ADGRG1: variants seen among roughly 807,000 people sequenced by gnomAD.
ADGRG1 encodes the protein adhesion G protein-coupled receptor G1, also known as 7-transmembrane protein with no EGF-like N-terminal domains-1.
In ADGRG1, 53 loss-of-function variants were observed where a neutral mutation model predicts 73.5. That is an observed-to-expected ratio of 0.72 (90% CI 0.58 to 0.91). ADGRG1 has a LOEUF of 0.91. Ranked by LOEUF, ADGRG1 falls within the 40% of genes least tolerant of loss-of-function variation. ADGRG1 has a pLI of 0.00. For missense variants in ADGRG1, 795 were observed against 871.8 expected, an observed-to-expected ratio of 0.91 and a Z score of 1.11; for synonymous variants, 394 against 374.4, an observed-to-expected ratio of 1.05 and a Z score of -0.60.
chr16:57,642,233 CT>C (rs2041024330), intron 1 of ADGRG1: 1 of 985,326 alleles, frequency 1.0e-6, no homozygotes, highest in Non-Finnish European at 1.2e-6. Context: ...TGGCAGTGCC[CT>C]TTTCCCCACG....
At chr16:57,631,073 A>G in intron 1 of ADGRG1, 1 of 984,416 alleles carries the variant, frequency 1.0e-6, no homozygotes, top group Non-Finnish European at 1.2e-6. Flanking sequence ...ATGGGTGTTC[A>G]GTGTGAGGTT....
At chr16:57,644,403 T>C (rs2041738391) in intron 1 of ADGRG1, among the ~76,000 whole-genome samples, 1 of 145,652 alleles carries the variant, frequency 6.9e-6, no homozygotes, top group South Asian at 2.2e-4. Context: ...TGCACACTAA[T>C]GCATGGGCAC....
intron 7 of ADGRG1, 31 bp downstream of exon 7, chr16:57,656,023 G>A (rs1485109379): frequency 6.2e-7 from 1 of 1,613,704 alleles, no homozygotes; most frequent in African/African-American, 1.3e-5. Context: ...AAGAGAACAA[G>A]CGCCCCTCGG....
At chr16:57,648,451 TG>T in intron 1 of ADGRG1, 1 of 981,704 alleles carries the variant, frequency 1.0e-6, no homozygotes, top group Non-Finnish European at 1.2e-6. Flanking sequence ...GACCTACGAC[TG>T]AACTGACAAG....
rs373961075 is a variant in ADGRG1, at chr16:57,637,443, C to T, written c.-36+8641C>T. 30 of 985,282 alleles carry T rather than the reference C, an allele frequency of 3.0e-5. No individual in the cohort carries two copies. The East Asian group carries it at 3.4e-4, about 11-fold the overall frequency. The allele number at this position is 985,282 out of a possible 1,614,324, so 61.0% of individuals were successfully genotyped here. A position where few individuals can be genotyped will look rare whatever the true frequency, so the allele number is the denominator to read the frequency against. ...GTGAGTGCCAAGTGTATGTAAAAGG[C>T]GTGGTGTGCCTCGTCTGTACCTCCC... On this transcript the variant is annotated intron_variant, in intron 1 of 13. Transcript: ENST00000562631.
chr16:57,642,204 G>A (rs376359966), intron 1 of ADGRG1: 8 of 985,306 alleles, frequency 8.1e-6, no homozygotes, highest in African/African-American at 7.0e-5. Context: ...TTAATGGAAT[G>A]GCACACCTGG....
At chr16:57,652,870 C>G in intron 3 of ADGRG1, 1 of 1,169,020 alleles carries the variant, frequency 8.6e-7, no homozygotes, top group Non-Finnish European at 1.1e-6. Context: ...ACCACCAAGC[C>G]CCGCACATCC....
chr16:57,659,707 CAG>C, intron 11 of ADGRG1, 26 bp downstream of exon 11: 1 of 1,612,366 alleles, frequency 6.2e-7, no homozygotes, highest in Non-Finnish European at 8.5e-7. Flanking sequence ...GGGGGTGCCT[CAG>C]ACCTGCCTCT....
intron 5 of ADGRG1, 92 bp downstream of exon 5, chr16:57,654,225 G>T (rs567771453): frequency 1.5e-6 from 2 of 1,297,210 alleles, no homozygotes; most frequent in South Asian, 1.3e-5. Flanking sequence ...GCTCAGTGCC[G>T]TCGCAGCCTC....
At chr16:57,626,034 T>C (rs950409566), upstream of ADGRG1, among the ~76,000 whole-genome samples, 1 of 152,126 alleles carries the variant, frequency 6.6e-6, no homozygotes, top group Non-Finnish European at 1.5e-5. Context: ...TCCCTGTACC[T>C]CGGTTCCCCT....
chr16:57,651,564 G>T lies in ADGRG1; in HGVS notation c.429G>T (p.Trp143Cys). Residue 143 changes from tryptophan (W) to cysteine (C), a missense_variant, in exon 3 of 14, where the codon TGG becomes TGT. Trp to Cys is a radical substitution (Grantham distance 215). Transcript: ENST00000562631. ...TGTTAGCCACTTCTGTCACCTCCTG[G>T]TGGAGCCCTCAGAACATCAGCCTGC... ...PPLLATSVTS[W>C]WSPQNISLPS... 6.2e-7 allele frequency: 1 copy of T among 1,614,156 alleles called. No homozygotes were observed. Among genetic ancestry groups the T allele is most frequent in the Middle Eastern group, 1.6e-4 (1 of 6,062 alleles).
rs1340854431 is a variant in ADGRG1, at chr16:57,664,400, T to A, written c.*818T>A. On this transcript the variant is annotated 3_prime_UTR_variant, in exon 14 of 14. Transcript: ENST00000562631. Reference sequence around the variant, plus strand: ...ATGCGTGGGCTGGGCTAGGTCCCTCTGTCCATCTGGGCCTTTGTATGAGCT... The same window carrying A: ...ATGCGTGGGCTGGGCTAGGTCCCTCAGTCCATCTGGGCCTTTGTATGAGCT... The A allele has an allele frequency of 6.6e-6, 1 of 152,368 alleles. No homozygotes were observed. Among genetic ancestry groups the A allele is most frequent in the African/African-American group, 2.4e-5 (1 of 41,448 alleles). 9.4% of individuals were successfully genotyped at this position (152,368 alleles called of 1,614,324 possible). A position where few individuals can be genotyped will look rare whatever the true frequency, so the allele number is the denominator to read the frequency against.
At chr16:57,628,618 C>G, upstream of ADGRG1, 1 of 985,498 alleles carries the variant, frequency 1.0e-6, no homozygotes, top group Non-Finnish European at 1.2e-6. Context: ...CAAACCCGGT[C>G]CCTCCCTCTC....
chr16:57,638,757 G>T (rs1243786086), intron 1 of ADGRG1, among the ~76,000 whole-genome samples: 2 of 152,168 alleles, frequency 1.3e-5, no homozygotes, highest in African/African-American at 2.4e-5. Flanking sequence ...TTACTGGGTG[G>T]CCTGCACTGG....
rs2148658550 is a variant in ADGRG1, at chr16:57,663,499, G to A, written c.1981G>A (p.Gly661Ser). The A allele has an allele frequency of 1.9e-6, 3 of 1,613,968 alleles. No homozygotes were observed. In the South Asian group the frequency reaches 3.3e-5, roughly 18 times the overall value. ...CTGGTCCATGCGGCTGCAGGCCCGG[G>A]GTGGCCCCTCCCCTCTGAAGAGCAA... ...WYWSMRLQAR[G>S]GPSPLKSNSD... is the part of the protein sequence containing the mutation. Residue 661 changes from glycine to serine, a missense_variant, in exon 14 of 14, where the codon GGT (glycine) becomes AGT (serine). Gly to Ser is a moderately conservative substitution (Grantham distance 56, BLOSUM62 0). Transcript: ENST00000562631.
intron 3 of ADGRG1, chr16:57,652,637 T>C: frequency 1.0e-6 from 1 of 984,998 alleles, no homozygotes; most frequent in Non-Finnish European, 1.2e-6. Flanking sequence ...AACCCAGGCT[T>C]TCTCGGTTAT....
At position 57,631,259 on chromosome 16, in the gene ADGRG1, C is replaced by G. The variant is rs147394781; in HGVS notation, c.-36+2457C>G. The G allele has an allele frequency of 7.9e-3, 7,816 of 986,358 alleles. 32 individuals are homozygous for G. Among genetic ancestry groups the G allele is most frequent in the Middle Eastern group, 0.02 (38 of 1,928 alleles). 61.1% of individuals were successfully genotyped at this position (986,358 alleles called of 1,614,324 possible). A position where few individuals can be genotyped will look rare whatever the true frequency, so the allele number is the denominator to read the frequency against. ...GGCCTCCTGGCAAGGCCCAGCATGA[C>G]AAAGGCAGGTAAGAGGAGTGGGCAG... On this transcript the variant is annotated intron_variant, in intron 1 of 13. Coordinates refer to ENST00000562631, the MANE Select transcript of ADGRG1 (RefSeq NM_201525.4).
At chr16:57,633,033 A>G (rs2038415707) in intron 1 of ADGRG1, 1 of 823,452 alleles carries the variant, frequency 1.2e-6, no homozygotes, top group African/African-American at 1.9e-5. Context: ...CTGTCCTCCT[A>G]GTACCCCCAG....
chr16:57,653,932 C>T, intron 4 of ADGRG1, 54 bp from the exon 5 acceptor site: 1 of 1,611,514 alleles, frequency 6.2e-7, no homozygotes, highest in African/African-American at 1.3e-5. Flanking sequence ...CCTCAGTCTC[C>T]CTGGTGGCCC....
Sources: gnomAD v4.1 joint callset for allele counts (sites outside exome capture counted in the v4.1 genomes callset) on GRCh38, gnomAD v4.1.1 for gene constraint, MANE v1.5 for transcripts, NCBI Gene and HGNC (gene_info 2026-07-23, HGNC 2026-07-21) for gene names.